Variants in WDFY4 observed in about 807,000 individuals in gnomAD.
The protein encoded by WDFY4 is WD repeat- and FYVE domain-containing protein 4.
In WDFY4, 169 loss-of-function variants were observed where a neutral mutation model predicts 351.9. That is an observed-to-expected ratio of 0.48 (90% CI 0.42 to 0.55). The LOEUF (loss-of-function observed/expected upper bound fraction) is 0.55. Ranked by LOEUF, WDFY4 falls within the 20% of genes least tolerant of loss-of-function variation. The pLI, the probability that WDFY4 is intolerant of heterozygous loss-of-function variation, is 0.00. For missense variants in WDFY4, 3,803 were observed against 3,935.6 expected (o/e 0.97, Z 0.90); for synonymous variants, 1,622 against 1,574.6 (o/e 1.03, Z -0.71).
At chr10:48,762,034 C>T (rs2065523229) in intron 13 of WDFY4, among the ~76,000 whole-genome samples, 1 of 152,166 alleles carries the variant, frequency 6.6e-6, no homozygotes, top group Non-Finnish European at 1.5e-5. Context: ...AAGTGGCTTC[C>T]AGAGGATGAA....
chr10:48,981,245 A>T (rs1241285144), intron 60 of WDFY4, 122 bp from the exon 61 acceptor site: 3 of 790,894 alleles, frequency 3.8e-6, no homozygotes, highest in African/African-American at 1.7e-5. Flanking sequence ...CCCTCAATTT[A>T]ACAAGTTGCT....
intron 57 of WDFY4, among the ~76,000 whole-genome samples, chr10:48,974,628 A>C (rs1406341560): frequency 6.6e-6 from 1 of 151,908 alleles, no homozygotes; most frequent in African/African-American, 2.4e-5. Flanking sequence ...AAGTAAAAAA[A>C]TGGTTTCTCC....
At chr10:48,888,536 T>C (rs897604438) in intron 43 of WDFY4, among the ~76,000 whole-genome samples, 3 of 152,012 alleles carry the variant, frequency 2.0e-5, no homozygotes, top group African/African-American at 4.8e-5. Context: ...CAGCAGTCAG[T>C]GTCATCTTTT....
At chr10:48,913,275 T>C in intron 47 of WDFY4, 1 of 953,680 alleles carries the variant, frequency 1.0e-6, no homozygotes, top group Non-Finnish European at 1.6e-6. Context: ...TTTATGGGCT[T>C]GGCTGAAAGA....
chr10:48,785,422 A>G (rs2066373791), intron 19 of WDFY4, among the ~76,000 whole-genome samples: 1 of 152,166 alleles, frequency 6.6e-6, no homozygotes, highest in African/African-American at 2.4e-5. Context: ...GCCTAGTCCT[A>G]GATCCTGAAG....
chr10:48,801,222 G>T (rs553561879), intron 24 of WDFY4, among the ~76,000 whole-genome samples: 7 of 152,174 alleles, frequency 4.6e-5, no homozygotes, highest in Non-Finnish European at 1.0e-4. Flanking sequence ...AGTTATTCAT[G>T]TTTCCCAAAA....
chr10:48,887,603 C>G (rs1226504967), intron 43 of WDFY4, among the ~76,000 whole-genome samples: 3 of 151,942 alleles, frequency 2.0e-5, no homozygotes, highest in Non-Finnish European at 4.4e-5. Flanking sequence ...ACGGTGAAAC[C>G]CCATCTTTAC....
At chr10:48,732,627 C>T (rs1026961293) in intron 9 of WDFY4, among the ~76,000 whole-genome samples, 8 of 152,208 alleles carry the variant, frequency 5.3e-5, no homozygotes, top group African/African-American at 1.9e-4. Flanking sequence ...GTGACTTAAC[C>T]CGTACGAGCC....
At chr10:48,721,477 C>A in intron 4 of WDFY4, 110 bp downstream of exon 4, 1 of 1,002,122 alleles carries the variant, frequency 1.0e-6, no homozygotes, top group Non-Finnish European at 1.5e-6. Context: ...TTTCATAAAA[C>A]AGGTTTATTA....
At chr10:48,821,692 C>G (rs1026027679) in intron 34 of WDFY4, among the ~76,000 whole-genome samples, 24 of 152,224 alleles carry the variant, frequency 1.6e-4, no homozygotes, top group African/African-American at 5.3e-4. Flanking sequence ...TTCTGTGGTT[C>G]CCAAGCCACA....
chr10:48,864,722 T>C (rs2069480796), intron 39 of WDFY4, among the ~76,000 whole-genome samples: 1 of 152,222 alleles, frequency 6.6e-6, no homozygotes, highest in South Asian at 2.1e-4. Flanking sequence ...ATATGGGATA[T>C]CTTCTATTAA....
chr10:48,798,329 AC>A (rs752929821), intron 24 of WDFY4, among the ~76,000 whole-genome samples: 31 of 152,146 alleles, frequency 2.0e-4, no homozygotes, highest in East Asian at 1.9e-4. Context: ...GGAAAAAAAA[AC>A]ATACAGAGGA....
intron 34 of WDFY4, 75 bp downstream of exon 34, chr10:48,821,251 C>A: frequency 3.3e-6 from 4 of 1,198,992 alleles, no homozygotes; most frequent in African/African-American, 1.5e-5. Flanking sequence ...AGCATGCTGG[C>A]CAGGAACTGA....
chr10:48,959,919 G>A (rs1164042861), intron 53 of WDFY4, 106 bp downstream of exon 53: 4 of 1,059,058 alleles, frequency 3.8e-6, no homozygotes, highest in Non-Finnish European at 4.1e-6. Context: ...AGCACTGTGA[G>A]GCTCATGTCT....
intron 1 of WDFY4, among the ~76,000 whole-genome samples, chr10:48,706,444 T>C (rs2063630032): frequency 1.3e-5 from 2 of 152,182 alleles, no homozygotes; most frequent in Non-Finnish European, 2.9e-5. Flanking sequence ...GAGCCTCAGA[T>C]GGAAACATAC....
intron 39 of WDFY4, among the ~76,000 whole-genome samples, chr10:48,836,803 G>A (rs1307950710): frequency 6.6e-6 from 1 of 152,174 alleles, no homozygotes; most frequent in Admixed American, 6.5e-5. Flanking sequence ...CTCCCTTGAG[G>A]CCACCAAAGG....
intron 47 of WDFY4, chr10:48,909,707 TC>T (rs1457878296): frequency 1.3e-5 from 2 of 153,606 alleles, no homozygotes; most frequent in African/African-American, 4.8e-5. Context: ...GAGAACTCAC[TC>T]ATTACCAAAA....
chr10:48,718,001 TAC>T lies in WDFY4; in HGVS notation c.235-2009_235-2008del, dbSNP rs1241950203. 8.1e-4 allele frequency among the ~76,000 whole-genome samples: 124 copies of T among 152,332 alleles called. 1 individual carries two copies. The highest frequency in any genetic ancestry group is 2.7e-3 in the African/African-American group (114 of 41,578). On this transcript the variant is annotated intron_variant, in intron 2 of 61. Coordinates refer to ENST00000325239, the MANE Select transcript of WDFY4 (RefSeq NM_001394531.1). Reference sequence around the variant, plus strand: ...TTCTTCAAAGTGTTCTTCCAACCGATACTCTGTCAGTAGCACATGGGGGTTCC... The same window carrying T: ...TTCTTCAAAGTGTTCTTCCAACCGATTCTGTCAGTAGCACATGGGGGTTCC...
At chr10:48,849,971 C>T (rs1255040590) in intron 39 of WDFY4, among the ~76,000 whole-genome samples, 2 of 152,142 alleles carry the variant, frequency 1.3e-5, no homozygotes, top group Non-Finnish European at 2.9e-5. Context: ...TAAAATACCC[C>T]TCAATTTGGT....
Sources: gnomAD v4.1 joint callset for allele counts (sites outside exome capture counted in the v4.1 genomes callset) on GRCh38, gnomAD v4.1.1 for gene constraint, MANE v1.5 for transcripts, NCBI Gene and HGNC (gene_info 2026-07-23, HGNC 2026-07-21) for gene names.